SYCP1: variants seen among roughly 807,000 people sequenced by gnomAD.
SYCP1 encodes the protein cancer/testis antigen 8.
Under a neutral mutation model 153.1 loss-of-function variants are expected in SYCP1, and 64 were observed. The ratio of observed to expected loss-of-function variants is 0.42; its 90% CI spans 0.34 to 0.51. The LOEUF is 0.51. SYCP1 is among the 20% of genes least tolerant of loss of function. The pLI, the probability that SYCP1 is intolerant of heterozygous loss-of-function variation, is 0.06. For missense variants in SYCP1, 997 were observed against 1,049.0 expected (o/e 0.95, Z 0.68); for synonymous variants, 384 against 341.8 (o/e 1.12, Z -1.36).
intron 23 of SYCP1, among the ~76,000 whole-genome samples, chr1:114,932,138 G>A (rs1477869644): frequency 6.6e-6 from 1 of 152,122 alleles, no homozygotes; most frequent in African/African-American, 2.4e-5. Flanking sequence ...TACTTTCATG[G>A]CCAAGGTCAG....
intron 2 of SYCP1, 99 bp downstream of exon 2, chr1:114,855,671 T>C: frequency 1.0e-6 from 1 of 955,010 alleles, no homozygotes; most frequent in Non-Finnish European, 1.5e-6. Flanking sequence ...TTATTTCTTC[T>C]CAATAAATGG....
At chr1:114,960,797 A>T (rs1671737491) in intron 27 of SYCP1, among the ~76,000 whole-genome samples, 1 of 151,924 alleles carries the variant, frequency 6.6e-6, no homozygotes, top group Non-Finnish European at 1.5e-5. Context: ...TTCATCAGGG[A>T]TATTTGTCTG....
chr1:114,979,001 C>A (rs1672974879), intron 28 of SYCP1, among the ~76,000 whole-genome samples: 1 of 151,434 alleles, frequency 6.6e-6, no homozygotes, highest in Non-Finnish European at 1.5e-5. Flanking sequence ...ATGTACAATT[C>A]TATATGTTTC....
intron 12 of SYCP1, among the ~76,000 whole-genome samples, chr1:114,884,018 A>C (rs1443400409): frequency 6.6e-6 from 1 of 152,142 alleles, no homozygotes; most frequent in Non-Finnish European, 1.5e-5. Flanking sequence ...TTTTTTCCCC[A>C]CAGTCGGACC....
chr1:114,874,373 G>A, intron 8 of SYCP1, 133 bp from the exon 9 acceptor site: 1 of 544,970 alleles, frequency 1.8e-6, no homozygotes, highest in South Asian at 2.7e-5. Context: ...ACCCAGTAAT[G>A]ATTTAGATAA....
chr1:114,897,357 G>A (rs1399092356), intron 16 of SYCP1, among the ~76,000 whole-genome samples: 1 of 152,154 alleles, frequency 6.6e-6, no homozygotes, highest in African/African-American at 2.4e-5. Flanking sequence ...CACAAACAGG[G>A]TTATTAGAAA....
chr1:114,994,583 C>T, intron 30 of SYCP1, 115 bp from the exon 31 acceptor site: 1 of 698,956 alleles, frequency 1.4e-6, no homozygotes, highest in Non-Finnish European at 2.1e-6. Context: ...CTCCCTTCTA[C>T]ATCCTTCCTC....
At chr1:114,938,032 A>C (rs1670135367) in intron 23 of SYCP1, among the ~76,000 whole-genome samples, 1 of 152,144 alleles carries the variant, frequency 6.6e-6, no homozygotes, top group African/African-American at 2.4e-5. Context: ...TTTGACCCAG[A>C]GATCCCATTA....
chr1:114,886,060 A>G (rs1666275336), intron 13 of SYCP1, 65 bp from the exon 14 acceptor site: 1 of 1,060,208 alleles, frequency 9.4e-7, no homozygotes, highest in Non-Finnish European at 1.3e-6. Flanking sequence ...AGAAGCAGAT[A>G]AGTTCAGCTT....
chr1:114,962,776 T>G (rs991320799), intron 27 of SYCP1, among the ~76,000 whole-genome samples: 1 of 152,232 alleles, frequency 6.6e-6, no homozygotes, highest in African/African-American at 2.4e-5. Context: ...GTAAGATTTA[T>G]GCTTTAAGGA....
intron 16 of SYCP1, among the ~76,000 whole-genome samples, chr1:114,903,789 G>A (rs143356923): frequency 6.7e-4 from 102 of 152,252 alleles, no homozygotes; most frequent in African/African-American, 2.0e-3. Context: ...CTGGGAGGTC[G>A]TAGTAGTAGT....
rs1386032424 is a variant in SYCP1 at position 114,984,794 on chromosome 1, G to C, written c.2629G>C (p.Glu877Gln). ...QRENLNIPIE[E>Q]SKKKRKMAFE... The stretch of plus-strand genomic sequence containing the variant: ...AGAAAACTTGAATATACCCATTGAA[G>C]AAAGTAAAAAAAAGAGAAAAATGGC... Residue 877 changes from glutamate to glutamine, a missense_variant, in exon 30 of 32, where the codon GAA becomes CAA. By Grantham distance (29) the Glu-to-Gln change is conservative (BLOSUM62 2). This residue lies in a region of SYCP1 where 712 missense variants were observed against 682.9 expected (regional missense o/e 1.04). Transcript: ENST00000369522. 1 of 1,512,806 alleles carries C rather than the reference G, an allele frequency of 6.6e-7. No homozygotes were observed. Among genetic ancestry groups the C allele is most frequent in the South Asian group, 1.4e-5 (1 of 72,222 alleles). The allele number at this position is 1,512,806 out of a possible 1,614,324, so 93.7% of individuals were successfully genotyped here.
chr1:114,874,300 A>G (rs942310371), intron 8 of SYCP1, among the ~76,000 whole-genome samples: 1 of 152,182 alleles, frequency 6.6e-6, no homozygotes, highest in Non-Finnish European at 1.5e-5. Context: ...AGGATGGAGC[A>G]GTGACTTCTA....
intron 27 of SYCP1, among the ~76,000 whole-genome samples, chr1:114,952,062 CAGTCAAG>C (rs1671144500): frequency 6.6e-6 from 1 of 152,098 alleles, no homozygotes; most frequent in South Asian, 2.1e-4. Context: ...AGAGTTTGCC[CAGTCAAG>C]GGTACCTAGT....
chr1:114,856,775 T>C (rs999678555), intron 3 of SYCP1, 118 bp downstream of exon 3: 5 of 724,338 alleles, frequency 6.9e-6, no homozygotes, highest in Non-Finnish European at 1.1e-5. Context: ...AAAAGCTAGA[T>C]ATAATACTTA....
At chr1:114,888,806 C>A (rs1168632379) in intron 15 of SYCP1, among the ~76,000 whole-genome samples, 15 of 151,986 alleles carry the variant, frequency 9.9e-5, no homozygotes, top group Non-Finnish European at 1.2e-4. Flanking sequence ...CTGCACCCCT[C>A]AACTTGTCAT....
intron 27 of SYCP1, among the ~76,000 whole-genome samples, chr1:114,951,673 C>T (rs192492381): frequency 6.6e-6 from 1 of 152,254 alleles, no homozygotes; most frequent in East Asian, 1.9e-4. Flanking sequence ...TAAGTTTCCC[C>T]CCATGGTCAC....
intron 23 of SYCP1, among the ~76,000 whole-genome samples, chr1:114,933,308 A>G (rs1298575096): frequency 6.6e-6 from 1 of 152,138 alleles, no homozygotes; most frequent in Non-Finnish European, 1.5e-5. Context: ...CCTCCAGCAA[A>G]CTCCAACAGA....
chr1:114,935,488 T>C (rs1669936345), intron 23 of SYCP1, among the ~76,000 whole-genome samples: 1 of 152,006 alleles, frequency 6.6e-6, no homozygotes, highest in Non-Finnish European at 1.5e-5. Context: ...AACATCACAA[T>C]TAAAAGAACT....
Sources: allele counts gnomAD v4.1 joint callset (sites outside exome capture counted in the v4.1 genomes callset), GRCh38; gene constraint gnomAD v4.1.1; regional missense constraint gnomAD v4.1.1; transcripts MANE v1.5; gene names NCBI Gene and HGNC (gene_info 2026-07-23, HGNC 2026-07-21).